SMAD2: variants seen among roughly 807,000 people sequenced by gnomAD.
SMAD2 encodes the protein MAD homolog 2.
In SMAD2, 8 loss-of-function variants were observed where a neutral mutation model predicts 64.4. That is an observed-to-expected ratio of 0.12 (90% CI 0.07 to 0.22). The LOEUF (loss-of-function observed/expected upper bound fraction) is 0.22, where lower values mean the gene tolerates loss of function less well. Ranked by LOEUF, SMAD2 falls within the 10% of genes least tolerant of loss-of-function variation. The probability of loss-of-function intolerance (pLI) is 1.00; values close to 1 mark genes in which losing one functional copy is unlikely to be tolerated. For missense variants in SMAD2, 289 were observed against 561.2 expected (o/e 0.51, Z 4.90); for synonymous variants, 203 against 195.8 (o/e 1.04, Z -0.31).
intron 10 of SMAD2, among the ~76,000 whole-genome samples, chr18:47,842,236 T>C (rs1598741720): frequency 6.6e-6 from 1 of 152,140 alleles, no homozygotes; most frequent in African/African-American, 2.4e-5. Context: ...AGAGAGAATG[T>C]AGATACTATT....
chr18:47,903,259 A>G lies in SMAD2; in HGVS notation c.-53-6450T>C, dbSNP rs1467017141. On this transcript the variant is annotated intron_variant, in intron 1 of 10. Transcript: ENST00000262160. ...TTGATCTACCGAGGCTGAAATGAGT[A>G]GCGAACTTGAAGACAGGGTAGGATT... Among the ~76,000 whole-genome samples, 5 of 152,160 alleles carry G rather than the reference A, an allele frequency of 3.3e-5. 1 individual carries two copies. The highest frequency in any genetic ancestry group is 3.3e-4 in the Admixed American group (5 of 15,272).
chr18:47,915,314 A>C (rs1034937912), intron 1 of SMAD2, among the ~76,000 whole-genome samples: 11 of 152,140 alleles, frequency 7.2e-5, no homozygotes, highest in African/African-American at 2.4e-4. Context: ...ACATTTTATA[A>C]ATTTATATGA....
At position 47,916,878 on chromosome 18, in the gene SMAD2, T is replaced by C. The variant is rs184610000; in HGVS notation, c.-54+13483A>G. Among the ~76,000 whole-genome samples the C allele has an allele frequency of 2.4e-3, 371 of 152,376 alleles. 1 individual carries two copies. The highest frequency in any genetic ancestry group is 8.4e-3 in the African/African-American group (350 of 41,598). ...TAAAATCTCAGTTTGTCTGCAGTTA[T>C]ACCATCCCTTCATTTCCAATACATT... On this transcript the variant is annotated intron_variant, in intron 1 of 10. Transcript: ENST00000262160.
In SMAD2 at chr18:47,872,836, CCT is replaced by C. The variant is rs200903106; in HGVS notation, c.237-2274_237-2273del. 7.8e-3 allele frequency among the ~76,000 whole-genome samples: 1,185 copies of C among 152,240 alleles called. 10 individuals are homozygous for C. Among genetic ancestry groups the C allele is most frequent in the Middle Eastern group, 0.014 (4 of 294 alleles). ...AAACTTGCCTTTCATGACTCTGTCT[CCT>C]GGTGCCAAAACGGTTGGGAACAGCC... On this transcript the variant is annotated intron_variant, in intron 2 of 10. Coordinates refer to ENST00000262160, the MANE Select transcript of SMAD2 (RefSeq NM_005901.6).
chr18:47,868,228 T>A (rs2031705757), intron 5 of SMAD2, 95 bp downstream of exon 5: 7 of 1,101,660 alleles, frequency 6.4e-6, no homozygotes, highest in Non-Finnish European at 9.6e-6. Context: ...AAAAGCATTT[T>A]TAAAAAAGTG....
chr18:47,902,754 A>AC (rs2033735505), intron 1 of SMAD2, among the ~76,000 whole-genome samples: 2 of 152,356 alleles, frequency 1.3e-5, no homozygotes, highest in East Asian at 3.9e-4. Context: ...TCTGAACCAG[A>AC]GTTGAGGATA....
In SMAD2 at chr18:47,848,821, T is replaced by C. The variant is rs1440573116; in HGVS notation, c.785-134A>G. ...CTGGCAAAAGCTCAGGAAGTAGACA[T>C]AGTATCTGTATCGGTTTCCACAGAT... is the stretch of plus-strand genomic sequence containing the variant. On this transcript the variant is annotated intron_variant, in intron 7 of 10. Coordinates refer to ENST00000262160, the MANE Select transcript of SMAD2 (RefSeq NM_005901.6). 7 of 673,740 alleles carry C rather than the reference T, an allele frequency of 1.0e-5. 1 individual carries two copies. Among genetic ancestry groups the C allele is most frequent in the South Asian group, 3.6e-5 (2 of 55,814 alleles). The allele number at this position is 673,740 out of a possible 1,614,324, so 41.7% of individuals were successfully genotyped here.
intron 2 of SMAD2, among the ~76,000 whole-genome samples, chr18:47,884,339 A>G (rs1213926775): frequency 1.3e-5 from 2 of 152,160 alleles, no homozygotes; most frequent in African/African-American, 4.8e-5. Context: ...TGAATCAGGC[A>G]CTGTTGTCCC....
chr18:47,852,020 T>C (rs1452544249), intron 6 of SMAD2, among the ~76,000 whole-genome samples: 1 of 152,190 alleles, frequency 6.6e-6, no homozygotes, highest in African/African-American at 2.4e-5. Flanking sequence ...AAAGGGATGC[T>C]TGAGGTGTTA....
At chr18:47,876,160 C>G (rs1303666387) in intron 2 of SMAD2, among the ~76,000 whole-genome samples, 1 of 151,996 alleles carries the variant, frequency 6.6e-6, no homozygotes, top group Non-Finnish European at 1.5e-5. Flanking sequence ...GTTATTATAA[C>G]AATGATAGCA....
In SMAD2 at chr18:47,845,110, C is replaced by A. The variant is rs1367355737; in HGVS notation, c.1280+230G>T. The A allele has an allele frequency of 9.7e-6, 6 of 618,540 alleles. No individual in the cohort carries two copies. The Admixed American group carries it at 1.7e-4, about 17-fold the overall frequency. 38.3% of individuals were successfully genotyped at this position (618,540 alleles called of 1,614,324 possible). On this transcript the variant is annotated intron_variant, in intron 10 of 10. Coordinates refer to ENST00000262160, the MANE Select transcript of SMAD2 (RefSeq NM_005901.6). The stretch of plus-strand genomic sequence containing the variant: ...CACCCCTTTTATGATATTTAACACT[C>A]TGAATTACGTTAAAATGCACGCCTG...
Position 47,830,576 on chromosome 18 carries a change from C to CAAAAAAA in SMAD2, c.*11244_*11250dup, listed in dbSNP as rs5824708. Reference sequence around the variant, plus strand: ...GGGCAACAGAGCAAGACTCTGTCTCCAAAAAAAAAAAAAAAAAATTCGTTT... The same window carrying CAAAAAAA: ...GGGCAACAGAGCAAGACTCTGTCTCCAAAAAAAAAAAAAAAAAAAAAAAAATTCGTTT... On this transcript the variant is annotated 3_prime_UTR_variant, in exon 11 of 11. Coordinates refer to ENST00000262160, the MANE Select transcript of SMAD2 (RefSeq NM_005901.6). 8.0e-6 allele frequency: 1 copy of CAAAAAAA among 125,450 alleles called. No homozygotes were observed. The highest frequency in any genetic ancestry group is 3.2e-5 in the African/African-American group (1 of 31,104). 7.8% of individuals were successfully genotyped at this position (125,450 alleles called of 1,614,324 possible).
Position 47,837,472 on chromosome 18 carries a change from G to A in SMAD2, c.*4355C>T, listed in dbSNP as rs911429420. 3.4e-5 allele frequency: 7 copies of A among 207,176 alleles called. No homozygotes were observed. The highest frequency in any genetic ancestry group is 1.6e-4 in the African/African-American group (7 of 43,410). The allele number at this position is 207,176 out of a possible 1,614,324, so 12.8% of individuals were successfully genotyped here. A position where few individuals can be genotyped will look rare whatever the true frequency, so the allele number is the denominator to read the frequency against. On this transcript the variant is annotated 3_prime_UTR_variant, in exon 11 of 11. Coordinates refer to ENST00000262160, the MANE Select transcript of SMAD2 (RefSeq NM_005901.6). ...AGCTACTTGGGAGGCTGAGGCAGAA[G>A]CATGGCGTGAACCCGGGAGGCGGAG...
In SMAD2 at chr18:47,838,383, A is replaced by C; in HGVS notation, c.*3444T>G. 4.3e-6 allele frequency: 1 copy of C among 233,294 alleles called. No homozygotes were observed. The highest frequency in any genetic ancestry group is 8.5e-6 in the Non-Finnish European group (1 of 118,012). 14.5% of individuals were successfully genotyped at this position (233,294 alleles called of 1,614,324 possible). On this transcript the variant is annotated 3_prime_UTR_variant, in exon 11 of 11. Transcript: ENST00000262160. Reference sequence around the variant, plus strand: ...AAGTGACAGGTCCTGAGGAAAAAAAACACAACCTCTACAAGACCAAGCACA... The same window carrying C: ...AAGTGACAGGTCCTGAGGAAAAAAACCACAACCTCTACAAGACCAAGCACA...
chr18:47,920,664 T>C (rs2034524995), intron 1 of SMAD2, among the ~76,000 whole-genome samples: 1 of 152,262 alleles, frequency 6.6e-6, no homozygotes. Context: ...ACCATGTGCA[T>C]GTGTTATTCG....
At chr18:47,857,552 A>T (rs1451258682) in intron 6 of SMAD2, among the ~76,000 whole-genome samples, 1 of 152,208 alleles carries the variant, frequency 6.6e-6, no homozygotes, top group Non-Finnish European at 1.5e-5. Context: ...ATAAACAAAG[A>T]AAAATTCTAT....
chr18:47,904,856 TAGAAA>T (rs1453794458), intron 1 of SMAD2, among the ~76,000 whole-genome samples: 1 of 152,120 alleles, frequency 6.6e-6, no homozygotes, highest in African/African-American at 2.4e-5. Context: ...CCAGCAACAC[TAGAAA>T]AGAATGTTCT....
chr18:47,926,276 T>C (rs1344413611), intron 1 of SMAD2, among the ~76,000 whole-genome samples: 3 of 152,238 alleles, frequency 2.0e-5, no homozygotes, highest in Non-Finnish European at 4.4e-5. Flanking sequence ...AGTGACAATC[T>C]AAAGTATATT....
chr18:47,903,240 T>C (rs2144494438), intron 1 of SMAD2, among the ~76,000 whole-genome samples: 1 of 152,186 alleles, frequency 6.6e-6, no homozygotes, highest in Admixed American at 6.5e-5. Context: ...GACATTGATC[T>C]ACCGAGGCTG....
Sources: allele counts gnomAD v4.1 joint callset (sites outside exome capture counted in the v4.1 genomes callset), GRCh38; gene constraint gnomAD v4.1.1; transcripts MANE v1.5; gene names NCBI Gene and HGNC (gene_info 2026-07-23, HGNC 2026-07-21).